Variants in CXCR5 observed in about 807,000 individuals in gnomAD.
CXCR5 encodes C-X-C chemokine receptor type 5.
Under a neutral mutation model 5.6 loss-of-function variants are expected in CXCR5, and 3 were observed. The observed-to-expected ratio is 0.54, with a 90% CI of 0.24 to 1.39. CXCR5 has a LOEUF of 1.39. Among genes scored for constraint, CXCR5 ranks in the 40% most tolerant of loss-of-function variants. CXCR5 has a pLI of 0.16. For synonymous variants in CXCR5, 218 were observed against 219.9 expected (o/e 0.99, Z 0.08); for missense variants, 333 against 494.6 (o/e 0.67, Z 3.10).
chr11:118,891,819 C>T (rs1355144756), intron 1 of CXCR5, among the ~76,000 whole-genome samples: 3 of 139,426 alleles, frequency 2.2e-5, no homozygotes, highest in South Asian at 2.2e-4. Context: ...TGCAGTGAGC[C>T]GAGATCGTGC....
intron 1 of CXCR5, among the ~76,000 whole-genome samples, chr11:118,891,634 C>T (rs927324206): frequency 7.9e-5 from 12 of 151,858 alleles, no homozygotes; most frequent in Non-Finnish European, 1.6e-4. Flanking sequence ...TTTGGGAGGC[C>T]GAGGCGGGGG....
chr11:118,888,106 CAG>C lies in CXCR5; in HGVS notation c.51+4118_51+4119del, dbSNP rs58635149. ...TCAGCCCCAGGCAGGGCAGGACAGA[CAG>C]AGAATCTGGGAGTGGGAGCGAGGGG... On this transcript the variant is annotated intron_variant, in intron 1 of 1. Coordinates refer to ENST00000292174, the MANE Select transcript of CXCR5 (RefSeq NM_001716.5). 6.9e-3 allele frequency among the ~76,000 whole-genome samples: 1,049 copies of C among 152,316 alleles called. 12 individuals carry two copies. Among genetic ancestry groups the C allele is most frequent in the African/African-American group, 0.024 (979 of 41,556 alleles).
At chr11:118,887,178 C>T in intron 1 of CXCR5, 1 of 942,046 alleles carries the variant, frequency 1.1e-6, no homozygotes, top group Non-Finnish European at 1.3e-6. Flanking sequence ...GGAACTCTTG[C>T]TTTCCCCAGG....
chr11:118,893,676 C>T lies in CXCR5; in HGVS notation c.132C>T (p.Pro44=), dbSNP rs1487751102. Residue 44 remains proline, a synonymous_variant, in exon 2 of 2, where the codon CCC becomes CCT. Coordinates refer to ENST00000292174, the MANE Select transcript of CXCR5 (RefSeq NM_001716.5). The surrounding 1 kb of genome is among the most constrained non-coding windows in gnomAD (Gnocchi z 5.7). ...ENHLCPATEG[P]LMASFKAVFV... ...ATCTCTGCCCTGCCACAGAGGGGCCCCTCATGGCCTCCTTCAAGGCCGTGT... is the reference window on the plus strand; with the variant it reads ...ATCTCTGCCCTGCCACAGAGGGGCCTCTCATGGCCTCCTTCAAGGCCGTGT... 6.2e-7 allele frequency: 1 copy of T among 1,613,834 alleles called. No homozygotes were observed. The highest frequency in any genetic ancestry group is 1.1e-5 in the South Asian group (1 of 91,076).
intron 1 of CXCR5, among the ~76,000 whole-genome samples, chr11:118,885,680 A>C (rs1939700235): frequency 6.6e-6 from 1 of 152,172 alleles, no homozygotes; most frequent in Admixed American, 6.5e-5. Flanking sequence ...AAACCTTAAG[A>C]GTTTCCCCTA....
intron 1 of CXCR5, chr11:118,885,829 G>C (rs1939702161): frequency 6.4e-6 from 1 of 155,144 alleles, no homozygotes; most frequent in Admixed American, 6.3e-5. Flanking sequence ...CCTCAAATGA[G>C]TGATCCTCAG....
At chr11:118,892,905 C>T (rs1342787217) in intron 1 of CXCR5, among the ~76,000 whole-genome samples, 2 of 152,148 alleles carry the variant, frequency 1.3e-5, no homozygotes, top group Admixed American at 1.3e-4. Context: ...TCTGCTGCCC[C>T]TAGAAGGAAG....
At chr11:118,891,952 A>G (rs976266519) in intron 1 of CXCR5, among the ~76,000 whole-genome samples, 3 of 151,958 alleles carry the variant, frequency 2.0e-5, no homozygotes, top group Non-Finnish European at 4.4e-5. Flanking sequence ...CTTACAGGTG[A>G]TGGGGAACCA....
At chr11:118,889,061 G>C (rs1275282545) in intron 1 of CXCR5, among the ~76,000 whole-genome samples, 1 of 152,070 alleles carries the variant, frequency 6.6e-6, no homozygotes, top group East Asian at 1.9e-4. Context: ...GTAACATTTT[G>C]GGCCCTACCA....
Position 118,892,045 on chromosome 11 carries a change from A to T in CXCR5, c.52-1551A>T, listed in dbSNP as rs146043402. ...CCTGTCCTCTGTGCAGGAGGTGGAC[A>T]GGAGTAGAGAAGCTGGTGGGGATGG... On this transcript the variant is annotated intron_variant, in intron 1 of 1. Transcript: ENST00000292174. Among the ~76,000 whole-genome samples, 202 of 152,284 alleles carry T rather than the reference A, an allele frequency of 1.3e-3. 2 individuals are homozygous for T. The highest frequency in any genetic ancestry group is 4.3e-3 in the African/African-American group (180 of 41,554).
At chr11:118,886,220 C>T in intron 1 of CXCR5, 1 of 408,798 alleles carries the variant, frequency 2.4e-6, no homozygotes, top group South Asian at 1.8e-5. Context: ...CCTTCTATTC[C>T]TTCTGCTTCC....
chr11:118,886,893 G>A (rs998228315), intron 1 of CXCR5: 7 of 154,934 alleles, frequency 4.5e-5, no homozygotes, highest in Admixed American at 3.1e-4. Flanking sequence ...GACACAGCCC[G>A]TCCACGTGGA....
rs767705106 is a variant in CXCR5 at position 118,894,666 on chromosome 11, C to T, written c.*3C>T. On this transcript the variant is annotated 3_prime_UTR_variant, in exon 2 of 2. Transcript: ENST00000292174. The surrounding 1 kb of genome is among the most constrained non-coding windows in gnomAD (Gnocchi z 6.1). ...CCACCTCTCTCACCACGTTCTAGGTCCCAGTGTCCCCTTTTATTGCTGCTT... is the reference window on the plus strand; with the variant it reads ...CCACCTCTCTCACCACGTTCTAGGTTCCAGTGTCCCCTTTTATTGCTGCTT... The T allele has an allele frequency of 1.5e-5, 22 of 1,507,412 alleles. No homozygotes were observed. The East Asian group carries it at 1.6e-4, about 11-fold the overall frequency. 93.4% of individuals were successfully genotyped at this position (1,507,412 alleles called of 1,614,324 possible). A position where few individuals can be genotyped will look rare whatever the true frequency, so the allele number is the denominator to read the frequency against.
At chr11:118,891,126 C>T (rs567700124) in intron 1 of CXCR5, among the ~76,000 whole-genome samples, 43 of 152,224 alleles carry the variant, frequency 2.8e-4, no homozygotes, top group African/African-American at 9.4e-4. Context: ...CCATGGAATC[C>T]TACTGCATGG....
intron 1 of CXCR5, among the ~76,000 whole-genome samples, chr11:118,892,818 G>A (rs566760341): frequency 1.3e-5 from 2 of 152,226 alleles, no homozygotes; most frequent in East Asian, 3.9e-4. Context: ...GCCTCTCTCT[G>A]CCTCTGGGCT....
In CXCR5 at chr11:118,893,948, G is replaced by A; in HGVS notation, c.404G>A (p.Cys135Tyr). 6.2e-7 allele frequency: 1 copy of A among 1,613,932 alleles called. No homozygotes were observed. Among genetic ancestry groups the A allele is most frequent in the Non-Finnish European group, 8.5e-7 (1 of 1,180,034 alleles). Residue 135 changes from cysteine to tyrosine, a missense_variant, in exon 2 of 2, where the codon TGC (cysteine) becomes TAC (tyrosine). Physicochemically the swap from Cys to Tyr is radical, Grantham distance 194 (BLOSUM62 -2). Transcript: ENST00000292174. The surrounding 1 kb of genome is among the most constrained non-coding windows in gnomAD (Gnocchi z 5.7). Reference protein sequence around the residue: ...VIALHKVNFYCSSLLLACIAV... With the variant: ...VIALHKVNFYYSSLLLACIAV... The stretch of plus-strand genomic sequence containing the variant: ...GCCCTGCACAAAGTCAACTTCTACT[G>A]CAGCAGCCTGCTCCTGGCCTGCATC...
At chr11:118,889,601 A>G (rs915614847) in intron 1 of CXCR5, among the ~76,000 whole-genome samples, 1 of 152,104 alleles carries the variant, frequency 6.6e-6, no homozygotes, top group Non-Finnish European at 1.5e-5. Context: ...TAGAACTCCT[A>G]TGTGTGGGAA....
At chr11:118,891,023 G>A (rs975318074) in intron 1 of CXCR5, among the ~76,000 whole-genome samples, 2 of 152,122 alleles carry the variant, frequency 1.3e-5, no homozygotes, top group African/African-American at 4.8e-5. Flanking sequence ...ATGGTCACAC[G>A]TATTAATAGC....
chr11:118,891,871 CA>C (rs754547926), intron 1 of CXCR5, among the ~76,000 whole-genome samples: 960 of 34,572 alleles, frequency 0.028, 18 homozygotes, highest in African/African-American at 0.061. Flanking sequence ...AACTCCCCCT[CA>C]AAAAAAAAAA....
Sources: allele counts gnomAD v4.1 joint callset (sites outside exome capture counted in the v4.1 genomes callset), GRCh38; gene constraint gnomAD v4.1.1; non-coding constraint Gnocchi (gnomAD v3.1); transcripts MANE v1.5; gene names NCBI Gene and HGNC (gene_info 2026-07-23, HGNC 2026-07-21).